Variants in LINC00632 observed in about 807,000 individuals in gnomAD.
LINC00632 encodes the protein ALDOA related specific transcript.
exon 5 of LINC00632, among the ~76,000 whole-genome samples, chrX:140,788,289 CATTATTATTTAATAATTTTATG>C (rs1932046807): frequency 1.8e-5 from 2 of 109,820 alleles, no homozygotes; most frequent in African/African-American, 3.3e-5. Context: ...ATTGAAATCC[CATTATTATTTAATAATTTTATG>C]ATTATTATTA....
intron 2 of LINC00632, among the ~76,000 whole-genome samples, chrX:140,730,229 C>T (rs908969081): frequency 9.1e-6 from 1 of 110,453 alleles, no homozygotes; most frequent in Non-Finnish European, 1.9e-5. Flanking sequence ...GACATGTATC[C>T]CACTTGGCAC....
chrX:140,720,750 G>A (rs1008446079), intron 2 of LINC00632, among the ~76,000 whole-genome samples: 1 of 111,884 alleles, frequency 8.9e-6, no homozygotes, highest in Non-Finnish European at 1.9e-5. Flanking sequence ...ATACATGGAC[G>A]TGTCCCATCA....
intron 2 of LINC00632, chrX:140,714,958 C>G (rs1274408861): frequency 9.0e-6 from 1 of 111,376 alleles, no homozygotes; most frequent in Non-Finnish European, 1.9e-5. Context: ...ACAATGCATG[C>G]TGTGTCCCTG....
intron 3 of LINC00632, among the ~76,000 whole-genome samples, chrX:140,752,852 C>T (rs1013716354): frequency 4.5e-5 from 5 of 111,233 alleles, no homozygotes; most frequent in East Asian, 2.8e-4. Context: ...TGAGTTAATT[C>T]GGCCCTTTAG....
chrX:140,776,779 T>C (rs1243468650), exon 5 of LINC00632, among the ~76,000 whole-genome samples: 1 of 110,840 alleles, frequency 9.0e-6, no homozygotes, highest in Admixed American at 9.5e-5. Context: ...GACCCAGCAA[T>C]CCCATTACTA....
chrX:140,746,411 C>T (rs1273205572), intron 3 of LINC00632, among the ~76,000 whole-genome samples: 2 of 111,991 alleles, frequency 1.8e-5, no homozygotes, highest in African/African-American at 6.5e-5. Context: ...AGTTTGTTCA[C>T]TACATGGGCT....
chrX:140,759,493 A>G (rs1602748895), intron 3 of LINC00632, among the ~76,000 whole-genome samples: 1 of 109,557 alleles, frequency 9.1e-6, no homozygotes, highest in Admixed American at 9.8e-5. Context: ...AGAAGCTGGG[A>G]CTACAGGCAC....
exon 5 of LINC00632, among the ~76,000 whole-genome samples, chrX:140,781,843 G>A (rs781024040): frequency 5.4e-4 from 60 of 111,592 alleles, no homozygotes; most frequent in Non-Finnish European, 2.1e-4. Context: ...CACTACAATG[G>A]GAGAGTTGAG....
At chrX:140,724,082 A>C (rs1930842919) in intron 2 of LINC00632, among the ~76,000 whole-genome samples, 1 of 78,694 alleles carries the variant, frequency 1.3e-5, no homozygotes, top group East Asian at 4.6e-4. Flanking sequence ...ACCCACACAC[A>C]CACATTCGAT....
chrX:140,742,340 G>A (rs1320471176), intron 3 of LINC00632, among the ~76,000 whole-genome samples: 1 of 111,239 alleles, frequency 9.0e-6, no homozygotes. Context: ...GATTAGTGTA[G>A]GGTACACTCT....
At chrX:140,737,940 A>G (rs1371118622) in intron 3 of LINC00632, among the ~76,000 whole-genome samples, 1 of 112,072 alleles carries the variant, frequency 8.9e-6, no homozygotes. Context: ...ATGGGAGTGC[A>G]TGTATCTCTT....
exon 5 of LINC00632, chrX:140,784,427 C>A: frequency 8.6e-7 from 1 of 1,159,153 alleles, no homozygotes; most frequent in Non-Finnish European, 1.2e-6. Flanking sequence ...CTACGTCTTC[C>A]AACAAATCCA....
At chrX:140,784,570 T>G in exon 5 of LINC00632, 1 of 480,634 alleles carries the variant, frequency 2.1e-6, no homozygotes, top group South Asian at 3.4e-5. Context: ...TACCCAGTCT[T>G]CCATCAACTG....
chrX:140,717,398 T>C (rs1354295729), intron 2 of LINC00632, among the ~76,000 whole-genome samples: 1 of 110,593 alleles, frequency 9.0e-6, no homozygotes, highest in African/African-American at 3.3e-5. Context: ...CCAGGCCCCA[T>C]ACCACACAGA....
chrX:140,787,874 T>A (rs1569358616), exon 5 of LINC00632, among the ~76,000 whole-genome samples: 1 of 108,282 alleles, frequency 9.2e-6, no homozygotes, highest in Non-Finnish European at 1.9e-5. Flanking sequence ...AGATACACAC[T>A]AAAATGTTGT....
chrX:140,788,536 G>T (rs192280510), exon 5 of LINC00632, among the ~76,000 whole-genome samples: 234 of 109,354 alleles, frequency 2.1e-3, no homozygotes, highest in African/African-American at 7.2e-3. Flanking sequence ...TTGAACATGT[G>T]TTATTTTCAA....
intron 3 of LINC00632, among the ~76,000 whole-genome samples, chrX:140,759,351 T>C (rs1931562309): frequency 1.1e-5 from 1 of 94,141 alleles, no homozygotes; most frequent in South Asian, 5.0e-4. Context: ...CTTCCTTTCT[T>C]TCTTTCTTTC....
At chrX:140,752,917 A>T (rs1931431225) in intron 3 of LINC00632, among the ~76,000 whole-genome samples, 1 of 111,588 alleles carries the variant, frequency 9.0e-6, no homozygotes, top group African/African-American at 3.3e-5. Flanking sequence ...CAAATAAGCT[A>T]TCTACATCAA....
exon 5 of LINC00632, among the ~76,000 whole-genome samples, chrX:140,774,606 A>G (rs1285458833): frequency 2.7e-5 from 3 of 111,857 alleles, no homozygotes; most frequent in African/African-American, 9.8e-5. Context: ...AATTTTCTCT[A>G]TTCTTTCCCT....
Sources: allele counts gnomAD v4.1 joint callset (sites outside exome capture counted in the v4.1 genomes callset), GRCh38; gene constraint gnomAD v4.1.1; transcripts MANE v1.5; gene names NCBI Gene and HGNC (gene_info 2026-07-23, HGNC 2026-07-21).